AFF3: variants seen among roughly 807,000 people sequenced by gnomAD.
AFF3 encodes the protein AF4/FMR2 family member 3.
In AFF3, 32 loss-of-function variants were observed where a neutral mutation model predicts 129.7. That is an observed-to-expected ratio of 0.25 (90% CI 0.19 to 0.33). The LOEUF (loss-of-function observed/expected upper bound fraction) is 0.33, where lower values mean the gene tolerates loss of function less well. AFF3 is among the 10% of genes least tolerant of loss of function. AFF3 has a pLI of 1.00. For missense variants in AFF3, 1,373 were observed against 1,592.0 expected, an observed-to-expected ratio of 0.86 and a Z score of 2.34; for synonymous variants, 644 against 635.4, an observed-to-expected ratio of 1.01 and a Z score of -0.20.
intron 7 of AFF3, among the ~76,000 whole-genome samples, chr2:99,964,649 T>C (rs1576442571): frequency 6.6e-6 from 1 of 152,202 alleles, no homozygotes; most frequent in Non-Finnish European, 1.5e-5. Context: ...ATGCCTACAT[T>C]AGAATGAGGA....
chr2:99,595,519 G>GA (rs1679198060), intron 14 of AFF3, among the ~76,000 whole-genome samples: 1 of 151,296 alleles, frequency 6.6e-6, no homozygotes, highest in South Asian at 2.1e-4. Context: ...TGTTGCCAGA[G>GA]AAAAAATGGT....
chr2:99,733,768 C>T (rs191087117), intron 10 of AFF3, among the ~76,000 whole-genome samples: 1 of 152,268 alleles, frequency 6.6e-6, no homozygotes, highest in East Asian at 1.9e-4. Context: ...TGTGGATCTG[C>T]TTCTGGGTCT....
At chr2:99,971,074 CCT>C (rs920163554) in intron 7 of AFF3, among the ~76,000 whole-genome samples, 7 of 152,188 alleles carry the variant, frequency 4.6e-5, no homozygotes, top group African/African-American at 7.2e-5. Flanking sequence ...CTACCAACCC[CCT>C]GACTCTAAAT....
chr2:99,780,616 T>C (rs1575961652), intron 8 of AFF3, among the ~76,000 whole-genome samples: 1 of 152,218 alleles, frequency 6.6e-6, no homozygotes, highest in East Asian at 1.9e-4. Context: ...AGTGTACACA[T>C]TTAAAACTCA....
intron 8 of AFF3, among the ~76,000 whole-genome samples, chr2:99,797,118 G>A (rs1685607588): frequency 6.6e-6 from 1 of 152,112 alleles, no homozygotes; most frequent in African/African-American, 2.4e-5. Flanking sequence ...GCAAGAAAGT[G>A]CAACCCATAG....
chr2:99,632,590 G>A (rs1412486059), intron 13 of AFF3, among the ~76,000 whole-genome samples: 2 of 152,080 alleles, frequency 1.3e-5, no homozygotes, highest in Admixed American at 1.3e-4. Flanking sequence ...GCCAGGCTTC[G>A]TTGGAGAGCA....
chr2:99,882,114 C>A, intron 7 of AFF3, among the ~76,000 whole-genome samples: 1 of 152,056 alleles, frequency 6.6e-6, no homozygotes, highest in East Asian at 1.9e-4. Context: ...CACCCTCTCT[C>A]ACTGCAACCC....
At chr2:99,789,655 G>C (rs550476520) in intron 8 of AFF3, among the ~76,000 whole-genome samples, 2 of 152,176 alleles carry the variant, frequency 1.3e-5, no homozygotes, top group Admixed American at 6.5e-5. Context: ...GGCCTCAGGA[G>C]AGACTTTCAT....
At chr2:100,092,361 G>C (rs910980534) in intron 4 of AFF3, among the ~76,000 whole-genome samples, 1 of 151,876 alleles carries the variant, frequency 6.6e-6, no homozygotes, top group East Asian at 1.9e-4. Flanking sequence ...CATCCTCACC[G>C]GCCCAGGCTA....
chr2:99,677,668 T>G (rs1674124026), intron 11 of AFF3, among the ~76,000 whole-genome samples: 1 of 152,110 alleles, frequency 6.6e-6, no homozygotes, highest in Non-Finnish European at 1.5e-5. Flanking sequence ...GGACTTTCAT[T>G]CAGAACTCTA....
Position 100,007,404 on chromosome 2 carries a change from A to G in AFF3, c.231T>C (p.Asp77=), listed in dbSNP as rs770825870. The G allele has an allele frequency of 5.0e-5, 81 of 1,614,054 alleles. No individual in the cohort carries two copies. In the South Asian group the frequency reaches 8.9e-4, roughly 18 times the overall value. Residue 77 remains aspartate, a synonymous_variant, in exon 6 of 25, where the codon GAT becomes GAC. Transcript: ENST00000672756. ...NRIQNTLGNY[D]EMKDFLTDRS... The stretch of plus-strand genomic sequence containing the variant: ...TATCAGTTAAAAAGTCTTTCATTTC[A>G]TCATAATTGCCTAAAGTGTTCTGGA...
At chr2:99,687,831 A>G (rs1187717570) in intron 11 of AFF3, among the ~76,000 whole-genome samples, 1 of 152,128 alleles carries the variant, frequency 6.6e-6, no homozygotes, top group Non-Finnish European at 1.5e-5. Flanking sequence ...CAATGAATAC[A>G]CCTATATTGC....
At chr2:99,947,649 TAGATAGACAGAC>T (rs1675759672) in intron 7 of AFF3, among the ~76,000 whole-genome samples, 1 of 118,810 alleles carries the variant, frequency 8.4e-6, no homozygotes, top group African/African-American at 3.0e-5. Context: ...GATAGATAGA[TAGATAGACAGAC>T]AGACAGACAG....
chr2:99,934,710 C>T (rs1204691616), intron 7 of AFF3, among the ~76,000 whole-genome samples: 1 of 152,210 alleles, frequency 6.6e-6, no homozygotes, highest in Non-Finnish European at 1.5e-5. Flanking sequence ...CCTTGCTCAG[C>T]CCCTCACTCA....
chr2:99,678,324 G>A (rs1272457559), intron 11 of AFF3, among the ~76,000 whole-genome samples: 10 of 152,114 alleles, frequency 6.6e-5, no homozygotes, highest in African/African-American at 1.9e-4. Flanking sequence ...TGTAGCTGGC[G>A]CCTGCATTTT....
intron 9 of AFF3, 34 bp downstream of exon 9, chr2:99,752,187 A>G (rs780696290): frequency 6.4e-7 from 1 of 1,565,636 alleles, no homozygotes; most frequent in Admixed American, 1.7e-5. Flanking sequence ...TGCATGAGTG[A>G]AACATATTCC....
chr2:99,933,148 CT>C (rs137992273), intron 7 of AFF3, among the ~76,000 whole-genome samples: 1 of 151,084 alleles, frequency 6.6e-6, no homozygotes. Flanking sequence ...CACCGGAGGT[CT>C]TTTTTTTTAA....
intron 7 of AFF3, among the ~76,000 whole-genome samples, chr2:99,898,077 T>A (rs1441405068): frequency 6.6e-6 from 1 of 152,218 alleles, no homozygotes; most frequent in Non-Finnish European, 1.5e-5. Flanking sequence ...TTCCACCAAG[T>A]ACACGACAAT....
In AFF3 at chr2:99,752,240, T is replaced by G. The variant is rs1249978773; in HGVS notation, c.983A>C (p.Lys328Thr). 1.2e-6 allele frequency: 2 copies of G among 1,613,518 alleles called. No individual in the cohort carries two copies. The highest frequency in any genetic ancestry group is 2.7e-5 in the African/African-American group (2 of 74,882). The change falls in exon 9 of 25, where the codon AAA becomes ACA. Residue 328 changes from lysine to threonine, a missense_variant. Physicochemically the swap from Lys to Thr is moderately conservative, Grantham distance 78 (BLOSUM62 -1). Transcript: ENST00000672756. The part of the protein sequence containing the change: ...IQAPGKVEPT[K>T]FPFPNKDSQL... ...TCTCACCTTATTTGGAAATGGAAAT[T>G]TGGTTGGTTCCACTTTGCCAGGTGC...
Sources: gnomAD v4.1 joint callset for allele counts (sites outside exome capture counted in the v4.1 genomes callset) on GRCh38, gnomAD v4.1.1 for gene constraint, MANE v1.5 for transcripts, NCBI Gene and HGNC (gene_info 2026-07-23, HGNC 2026-07-21) for gene names.